LHFPL5: variants seen among roughly 807,000 people sequenced by gnomAD.
LHFPL5 encodes LHFPL tetraspan subfamily member 5 protein.
In LHFPL5, 12 loss-of-function variants were observed where a neutral mutation model predicts 18.7. The observed-to-expected ratio is 0.64, with a 90% confidence interval of 0.41 to 1.04. The LOEUF (loss-of-function observed/expected upper bound fraction) is 1.04. Ranked by LOEUF, LHFPL5 falls within the 50% of genes least tolerant of loss-of-function variation. The pLI, the probability that LHFPL5 is intolerant of heterozygous loss-of-function variation, is 0.00. For missense variants in LHFPL5, 259 were observed against 292.1 expected, an observed-to-expected ratio of 0.89 and a Z score of 0.83; for synonymous variants, 111 against 120.2, an observed-to-expected ratio of 0.92 and a Z score of 0.50.
At chr6:35,809,709 G>T (rs941140987) in intron 1 of LHFPL5, among the ~76,000 whole-genome samples, 2 of 152,150 alleles carry the variant, frequency 1.3e-5, no homozygotes, top group Admixed American at 6.6e-5. Flanking sequence ...TCACCATGTT[G>T]CTCAGGCTGG....
chr6:35,821,174 T>G (rs1768860095), intron 3 of LHFPL5, among the ~76,000 whole-genome samples: 1 of 151,432 alleles, frequency 6.6e-6, no homozygotes, highest in Admixed American at 6.6e-5. Flanking sequence ...TGTGGTGGCA[T>G]GCACCTGTAA....
At chr6:35,821,346 G>A (rs960311168) in intron 3 of LHFPL5, among the ~76,000 whole-genome samples, 1 of 152,048 alleles carries the variant, frequency 6.6e-6, no homozygotes, top group African/African-American at 2.4e-5. Context: ...AGTTGGTGGG[G>A]TGGGTCTGGG....
Position 35,819,435 on chromosome 6 carries a change from A to G in LHFPL5, c.650-2A>G. The G allele has an allele frequency of 6.2e-7, 1 of 1,614,056 alleles. No homozygotes were observed. The highest frequency in any genetic ancestry group is 8.5e-7 in the Non-Finnish European group (1 of 1,179,922). ...CGTATACTGTTCTCTCCTTCATTAC[A>G]GAGGAGGTGTGAAGCAGCTGAAGGG... is the stretch of plus-strand genomic sequence containing the variant. On this transcript the variant is annotated splice_acceptor_variant, in intron 2 of 3. Coordinates refer to ENST00000360215, the MANE Select transcript of LHFPL5 (RefSeq NM_182548.4). LOFTEE classifies it high-confidence loss of function.
Position 35,806,062 on chromosome 6 carries a change from C to G in LHFPL5, c.392C>G (p.Ala131Gly). 6.2e-7 allele frequency: 1 copy of G among 1,614,118 alleles called. No homozygotes were observed. The highest frequency in any genetic ancestry group is 8.5e-7 in the Non-Finnish European group (1 of 1,180,042). The change falls in exon 1 of 4, where the codon GCA becomes GGA. Residue 131 changes from alanine to glycine, a missense_variant. Ala to Gly is a moderately conservative substitution (Grantham distance 60). Coordinates refer to ENST00000360215, the MANE Select transcript of LHFPL5 (RefSeq NM_182548.4). ...CNTATVYKICAWMQLAAATGL... is the reference protein window; with the variant it reads ...CNTATVYKICGWMQLAAATGL... ...ACGGCCACAGTCTATAAGATCTGTGCATGGATGCAGCTGGCTGCGGGTAAG... is the reference window on the plus strand; with the variant it reads ...ACGGCCACAGTCTATAAGATCTGTGGATGGATGCAGCTGGCTGCGGGTAAG...
intron 1 of LHFPL5, among the ~76,000 whole-genome samples, chr6:35,808,873 G>A (rs1768619317): frequency 6.6e-6 from 1 of 152,014 alleles, no homozygotes; most frequent in Non-Finnish European, 1.5e-5. Context: ...TGGAGACACT[G>A]ATAGCAGAGG....
Position 35,809,160 on chromosome 6 carries a change from C to T in LHFPL5, c.412+3078C>T, listed in dbSNP as rs139842729. ...TGGGCTTCTGGGTGCCAGGTGTAGG[C>T]TGGGAGTTGTCCCAGCTCCTAGAAA... On this transcript the variant is annotated intron_variant, in intron 1 of 3. Coordinates refer to ENST00000360215, the MANE Select transcript of LHFPL5 (RefSeq NM_182548.4). Among the ~76,000 whole-genome samples, 4 of 152,218 alleles carry T rather than the reference C, an allele frequency of 2.6e-5. No homozygotes were observed. The East Asian group carries it at 7.7e-4, about 29-fold the overall frequency.
At position 35,823,426 on chromosome 6, in the gene LHFPL5, T is replaced by TATACAC. The variant is rs886061353; in HGVS notation, c.*462_*463insTACACA. On this transcript the variant is annotated 3_prime_UTR_variant, in exon 4 of 4. Coordinates refer to ENST00000360215, the MANE Select transcript of LHFPL5 (RefSeq NM_182548.4). Reference sequence around the variant, plus strand: ...ACACACACACACACACACACACACATACATACACACACACATATATATACA... The same window carrying TATACAC: ...ACACACACACACACACACACACACATATACACACATACACACACACATATATATACA... The TATACAC allele has an allele frequency of 1.7e-5, 1 of 59,324 alleles. No individual in the cohort carries two copies. The highest frequency in any genetic ancestry group is 6.4e-5 in the African/African-American group (1 of 15,516). The allele number at this position is 59,324 out of a possible 1,614,324, so 3.7% of individuals were successfully genotyped here.
At chr6:35,808,985 A>G (rs1354036175) in intron 1 of LHFPL5, among the ~76,000 whole-genome samples, 1 of 152,096 alleles carries the variant, frequency 6.6e-6, no homozygotes, top group Non-Finnish European at 1.5e-5. Flanking sequence ...CCGAAGGGAG[A>G]GATGCAGAGT....
At chr6:35,811,406 T>G (rs1212281690) in intron 1 of LHFPL5, 8 of 152,224 alleles carry the variant, frequency 5.3e-5, no homozygotes, top group African/African-American at 1.4e-4. Flanking sequence ...GTCAGATACT[T>G]TACAGACAAC....
At chr6:35,819,550 C>T (rs959299880) in intron 3 of LHFPL5, 87 bp downstream of exon 3, 16 of 1,242,760 alleles carry the variant, frequency 1.3e-5, no homozygotes, top group Non-Finnish European at 1.9e-5. Flanking sequence ...GGCATCAGGA[C>T]ACCAGGGGCT....
Position 35,814,782 on chromosome 6 carries a change from G to C in LHFPL5, c.649G>C (p.Glu217Gln), listed in dbSNP as rs1468636267. 1.2e-6 allele frequency: 2 copies of C among 1,612,772 alleles called. No homozygotes were observed. Among genetic ancestry groups the C allele is most frequent in the Non-Finnish European group, 8.5e-7 (1 of 1,178,852 alleles). The stretch of plus-strand genomic sequence containing the variant: ...TGACGACTACAAGGCAGATGGAACC[G>C]GTAATCACCCAACTCCACAATGGTG... ...LPDDYKADGT[E>Q]EV The change falls in exon 2 of 4, where the codon GAG (glutamate) becomes CAG (glutamine). Residue 217 changes from glutamate to glutamine, a missense_variant and splice_region_variant. Physicochemically the swap from Glu to Gln is conservative, Grantham distance 29. Transcript: ENST00000360215. This position sits in a 1 kb window ranked among gnomAD's most constrained non-coding sequence, Gnocchi z 4.2.
In LHFPL5 at chr6:35,808,334, TAAA is replaced by T. The variant is rs772406215; in HGVS notation, c.412+2253_412+2255del. On this transcript the variant is annotated intron_variant, in intron 1 of 3. Coordinates refer to ENST00000360215, the MANE Select transcript of LHFPL5 (RefSeq NM_182548.4). The stretch of plus-strand genomic sequence containing the variant: ...ATATATAAATTAAAAATAATCATAA[TAAA>T]TAATATATATAAATAAAAATAATAA... 2.2e-4 allele frequency among the ~76,000 whole-genome samples: 32 copies of T among 145,746 alleles called. No individual in the cohort carries two copies. The East Asian group carries it at 3.9e-3, about 18-fold the overall frequency.
At chr6:35,812,442 A>C (rs1310045378) in intron 1 of LHFPL5, among the ~76,000 whole-genome samples, 1 of 152,174 alleles carries the variant, frequency 6.6e-6, no homozygotes, top group Admixed American at 6.5e-5. Context: ...TGGCTGCCCC[A>C]GTTGCATCCT....
intron 2 of LHFPL5, among the ~76,000 whole-genome samples, chr6:35,816,842 C>T (rs1228346304): frequency 5.4e-5 from 8 of 148,230 alleles, no homozygotes; most frequent in Non-Finnish European, 1.2e-4. Flanking sequence ...GAAATAAACC[C>T]AAACATTTAT....
At chr6:35,812,252 C>T (rs1374519075) in intron 1 of LHFPL5, among the ~76,000 whole-genome samples, 3 of 152,184 alleles carry the variant, frequency 2.0e-5, no homozygotes, top group Admixed American at 1.3e-4. Context: ...TGTTTGACCT[C>T]CTGACCTTCT....
chr6:35,811,057 C>T lies in LHFPL5; in HGVS notation c.413-3489C>T, dbSNP rs547640691. The stretch of plus-strand genomic sequence containing the variant: ...GGCATCAGTCACCATCAGCTGTCCT[C>T]GCATCAGAGGGAAGGGAACTCTGGG... On this transcript the variant is annotated intron_variant, in intron 1 of 3. Transcript: ENST00000360215. Among the ~76,000 whole-genome samples, 99 of 152,246 alleles carry T rather than the reference C, an allele frequency of 6.5e-4. 1 individual carries two copies. The highest frequency in any genetic ancestry group is 1.0e-3 in the Non-Finnish European group (71 of 68,020).
In LHFPL5 at chr6:35,814,500, A is replaced by T; in HGVS notation, c.413-46A>T. On this transcript the variant is annotated intron_variant, in intron 1 of 3. Coordinates refer to ENST00000360215, the MANE Select transcript of LHFPL5 (RefSeq NM_182548.4). The surrounding 1 kb of genome is among the most constrained non-coding windows in gnomAD (Gnocchi z 4.2). ...TGCAAGGTGTGGGAGGTAGCGGGCT[A>T]GGCACACTCGGCCTGATGCCATGTG... 7.0e-7 allele frequency: 1 copy of T among 1,420,364 alleles called. No homozygotes were observed. Among genetic ancestry groups the T allele is most frequent in the Non-Finnish European group, 1.0e-6 (1 of 1,003,358 alleles). 88.0% of individuals were successfully genotyped at this position (1,420,364 alleles called of 1,614,324 possible).
chr6:35,806,199 C>T (rs1561951002), intron 1 of LHFPL5, 117 bp downstream of exon 1: 1 of 1,088,152 alleles, frequency 9.2e-7, no homozygotes, highest in East Asian at 2.6e-5. Flanking sequence ...CTCCTATAGC[C>T]CAGTCCTACT....
intron 3 of LHFPL5, among the ~76,000 whole-genome samples, chr6:35,821,816 G>GT (rs1327973256): frequency 7.7e-6 from 1 of 129,282 alleles, no homozygotes; most frequent in African/African-American, 2.9e-5. Context: ...TTTAATTTAG[G>GT]TTTTTCAAAG....
Sources: allele counts gnomAD v4.1 joint callset (sites outside exome capture counted in the v4.1 genomes callset), GRCh38; gene constraint gnomAD v4.1.1; non-coding constraint Gnocchi (gnomAD v3.1); transcripts MANE v1.5; gene names NCBI Gene and HGNC (gene_info 2026-07-23, HGNC 2026-07-21).